The following KCNMA1 variants were observed in gnomAD, a reference collection of about 807,000 sequenced individuals.
KCNMA1 encodes the protein potassium calcium-activated channel subfamily M alpha 1, also known as Calcium-activated potassium channel subunit alpha-1.
A neutral mutation model predicts 140.0 loss-of-function variants in KCNMA1; 29 were observed. That is an observed-to-expected ratio of 0.21 (90% CI 0.15 to 0.28). The LOEUF (loss-of-function observed/expected upper bound fraction) is 0.28, where lower values mean the gene tolerates loss of function less well. KCNMA1 is among the 10% of genes least tolerant of loss of function. The pLI, the probability that KCNMA1 is intolerant of heterozygous loss-of-function variation, is 1.00. For missense variants in KCNMA1, 880 were observed against 1,602.2 expected (o/e 0.55, Z 7.70); for synonymous variants, 612 against 611.9 (o/e 1.00, Z 0.00).
chr10:77,295,971 C>G (rs1183425163), intron 2 of KCNMA1, among the ~76,000 whole-genome samples: 7 of 152,008 alleles, frequency 4.6e-5, no homozygotes, highest in Non-Finnish European at 1.0e-4. Flanking sequence ...GGGCAAAATG[C>G]AGTGCTCCCT....
intron 5 of KCNMA1, among the ~76,000 whole-genome samples, chr10:77,165,039 G>A (rs1320603329): frequency 6.6e-6 from 1 of 152,130 alleles, no homozygotes; most frequent in East Asian, 1.9e-4. Flanking sequence ...TCTGAAGAAT[G>A]AGTTGATTCA....
In KCNMA1 at chr10:77,108,450, C is replaced by G; in HGVS notation, c.1223+31G>C. 1 of 1,605,114 alleles carries G rather than the reference C, an allele frequency of 6.2e-7. No homozygotes were observed. The highest frequency in any genetic ancestry group is 8.5e-7 in the Non-Finnish European group (1 of 1,172,824). On this transcript the variant is annotated intron_variant, in intron 9 of 27. Coordinates refer to ENST00000286628, the MANE Select transcript of KCNMA1 (RefSeq NM_001161352.2). This position sits in a 1 kb window ranked among gnomAD's most constrained non-coding sequence, Gnocchi z 4.6. ...GCATGCAGAGAGGATTCTACCGCAGCAGAGGCAGCAAAACCTCTTGGCATA... is the reference window on the plus strand; with the variant it reads ...GCATGCAGAGAGGATTCTACCGCAGGAGAGGCAGCAAAACCTCTTGGCATA...
In KCNMA1 at chr10:77,178,483, G is replaced by A. The variant is rs181453625; in HGVS notation, c.808+4938C>T. Reference sequence around the variant, plus strand: ...GCACTTTGGGAGGCTGAGGCGGGTAGATCACCTGAGGTCAGGAGTTTGAGA... The same window carrying A: ...GCACTTTGGGAGGCTGAGGCGGGTAAATCACCTGAGGTCAGGAGTTTGAGA... On this transcript the variant is annotated intron_variant, in intron 5 of 27. Transcript: ENST00000286628. 2.6e-3 allele frequency among the ~76,000 whole-genome samples: 390 copies of A among 152,244 alleles called. 1 individual carries two copies. Among genetic ancestry groups the A allele is most frequent in the Middle Eastern group, 6.8e-3 (2 of 294 alleles).
intron 24 of KCNMA1, chr10:76,913,843 G>A: frequency 1.8e-6 from 1 of 552,274 alleles, no homozygotes. Flanking sequence ...GTGATCAAAG[G>A]TTTACTGATG....
At chr10:77,498,195 C>T (rs2042613542) in intron 1 of KCNMA1, among the ~76,000 whole-genome samples, 1 of 152,164 alleles carries the variant, frequency 6.6e-6, no homozygotes, top group Admixed American at 6.5e-5. Flanking sequence ...GGAGTGAGGC[C>T]CTTGAAGAAC....
downstream of KCNMA1, among the ~76,000 whole-genome samples, chr10:76,880,568 C>T (rs993429137): frequency 3.3e-5 from 5 of 152,198 alleles, no homozygotes; most frequent in Non-Finnish European, 5.9e-5. Flanking sequence ...AGGTATTTTA[C>T]GAACAGATTC....
chr10:77,548,946 A>C (rs1447877695), intron 1 of KCNMA1, among the ~76,000 whole-genome samples: 1 of 152,204 alleles, frequency 6.6e-6, no homozygotes, highest in African/African-American at 2.4e-5. Context: ...CTAATAAGGG[A>C]TGCATAGATG....
At position 77,256,210 on chromosome 10, in the gene KCNMA1, T is replaced by A. The variant is rs2060720119; in HGVS notation, c.541-4954A>T. Among the ~76,000 whole-genome samples the A allele has an allele frequency of 5.3e-5, 8 of 152,298 alleles. No homozygotes were observed. In the South Asian group the frequency reaches 1.7e-3, roughly 32 times the overall value. On this transcript the variant is annotated intron_variant, in intron 2 of 27. Coordinates refer to ENST00000286628, the MANE Select transcript of KCNMA1 (RefSeq NM_001161352.2). ...AAAGCTGGCTCTTAGAAATATTTCC[T>A]GTTCTAGAACCTGGACTGGAGTTGC...
chr10:76,981,159 G>A (rs931948061), intron 19 of KCNMA1, among the ~76,000 whole-genome samples: 1 of 152,030 alleles, frequency 6.6e-6, no homozygotes, highest in African/African-American at 2.4e-5. Context: ...ATTCACATGG[G>A]TCCATACTCT....
intron 2 of KCNMA1, among the ~76,000 whole-genome samples, chr10:77,299,602 T>C (rs1181530772): frequency 6.6e-6 from 1 of 152,204 alleles, no homozygotes; most frequent in Non-Finnish European, 1.5e-5. Flanking sequence ...ACCCAGGTTG[T>C]TCTGGAACGC....
chr10:76,941,624 T>A (rs1309584556), intron 23 of KCNMA1, among the ~76,000 whole-genome samples: 1 of 151,966 alleles, frequency 6.6e-6, no homozygotes, highest in Non-Finnish European at 1.5e-5. Flanking sequence ...GCTTTGACAC[T>A]CTCTCTTAGG....
At chr10:77,623,684 C>G (rs965995767) in intron 1 of KCNMA1, among the ~76,000 whole-genome samples, 1 of 149,616 alleles carries the variant, frequency 6.7e-6, no homozygotes, top group Admixed American at 6.7e-5. Flanking sequence ...GCCTGGACGA[C>G]AGACCAAGAC....
rs2040980497 is a variant in KCNMA1 at position 77,494,175 on chromosome 10, T to C, written c.379-90152A>G. Among the ~76,000 whole-genome samples, 7 of 152,378 alleles carry C rather than the reference T, an allele frequency of 4.6e-5. No homozygotes were observed. In the South Asian group the frequency reaches 1.4e-3, roughly 32 times the overall value. On this transcript the variant is annotated intron_variant, in intron 1 of 27. Coordinates refer to ENST00000286628, the MANE Select transcript of KCNMA1 (RefSeq NM_001161352.2). ...GATAACCATGGGAGAGGACTTTTAA[T>C]GCCAAAGAAACTCACCACGTTGCCT...
At chr10:77,464,414 A>T (rs1030630709) in intron 1 of KCNMA1, among the ~76,000 whole-genome samples, 27 of 152,162 alleles carry the variant, frequency 1.8e-4, no homozygotes, top group African/African-American at 6.0e-4. Flanking sequence ...GCAGTCAGGA[A>T]GAAGACTTCT....
intron 19 of KCNMA1, 178 bp from the exon 20 acceptor site, chr10:76,970,245 G>A: frequency 1.5e-6 from 1 of 648,364 alleles, no homozygotes; most frequent in Non-Finnish European, 2.8e-6. Context: ...GCTTAGAGAA[G>A]GTGAAGGCAA....
At chr10:77,535,958 G>A (rs1210696429) in intron 1 of KCNMA1, among the ~76,000 whole-genome samples, 3 of 152,194 alleles carry the variant, frequency 2.0e-5, no homozygotes, top group African/African-American at 7.2e-5. Flanking sequence ...GAAGGAATAC[G>A]ATCTAGTGTT....
At chr10:77,113,113 T>A (rs1247256266) in intron 6 of KCNMA1, among the ~76,000 whole-genome samples, 1 of 152,186 alleles carries the variant, frequency 6.6e-6, no homozygotes, top group Non-Finnish European at 1.5e-5. Flanking sequence ...TGCACTGCAT[T>A]TGGCTGTTAG....
intron 19 of KCNMA1, among the ~76,000 whole-genome samples, chr10:76,976,264 T>C (rs1050170520): frequency 1.3e-5 from 2 of 152,138 alleles, no homozygotes; most frequent in Admixed American, 1.3e-4. Flanking sequence ...CTGGCTTTTG[T>C]GGAGCTAATA....
intron 5 of KCNMA1, among the ~76,000 whole-genome samples, chr10:77,161,588 A>G (rs1258726637): frequency 6.6e-6 from 1 of 152,146 alleles, no homozygotes. Flanking sequence ...CAGATATTTC[A>G]TCTGAGAAAA....
Sources: allele counts gnomAD v4.1 joint callset (sites outside exome capture counted in the v4.1 genomes callset), GRCh38; gene constraint gnomAD v4.1.1; non-coding constraint Gnocchi (gnomAD v3.1); transcripts MANE v1.5; gene names NCBI Gene and HGNC (gene_info 2026-07-23, HGNC 2026-07-21).